EXOC4: variants seen among roughly 807,000 people sequenced by gnomAD.
The protein encoded by EXOC4 is SEC8-like 1.
In EXOC4, 71 loss-of-function variants were observed where a neutral mutation model predicts 107.2. That is an observed-to-expected ratio of 0.66 (90% CI 0.55 to 0.81). The LOEUF (loss-of-function observed/expected upper bound fraction) is 0.81, where lower values mean the gene tolerates loss of function less well. Ranked by LOEUF, EXOC4 falls within the 30% of genes least tolerant of loss-of-function variation. EXOC4 has a pLI of 0.00. For synonymous variants in EXOC4, 456 were observed against 441.2 expected, an observed-to-expected ratio of 1.03 and a Z score of -0.42; for missense variants, 1,108 against 1,189.6, an observed-to-expected ratio of 0.93 and a Z score of 1.01.
chr7:133,822,675 A>G (rs946013383), intron 11 of EXOC4, among the ~76,000 whole-genome samples: 3 of 152,184 alleles, frequency 2.0e-5, no homozygotes, highest in Non-Finnish European at 4.4e-5. Flanking sequence ...CGGGAGCATC[A>G]GTGTGGCCTG....
At chr7:133,728,919 T>A (rs1795270806) in intron 10 of EXOC4, among the ~76,000 whole-genome samples, 1 of 152,182 alleles carries the variant, frequency 6.6e-6, no homozygotes, top group Non-Finnish European at 1.5e-5. Flanking sequence ...TAGAAAGCCT[T>A]CCTTTAATGC....
chr7:134,064,454 A>G lies in EXOC4; in HGVS notation c.2851A>G (p.Arg951Gly). 1 of 1,608,214 alleles carries G rather than the reference A, an allele frequency of 6.2e-7. No individual in the cohort carries two copies. The highest frequency in any genetic ancestry group is 8.5e-7 in the Non-Finnish European group (1 of 1,176,996). Residue 951 changes from arginine (R) to glycine (G), a missense_variant, in exon 18 of 18, where the codon AGG (arginine) becomes GGG (glycine). Coordinates refer to ENST00000253861, the MANE Select transcript of EXOC4 (RefSeq NM_021807.4). ...ELTTQNTRLQ[R>G]LKEIICEQAA... ...GACCACCCAGAACACGAGGCTGCAG[A>G]GGCTCAAAGAGATCATCTGCGAGCA...
Position 134,007,715 on chromosome 7 carries a change from C to G in EXOC4, c.2567C>G (p.Ala856Gly). 1 of 1,613,542 alleles carries G rather than the reference C, an allele frequency of 6.2e-7. No individual in the cohort carries two copies. The highest frequency in any genetic ancestry group is 8.5e-7 in the Non-Finnish European group (1 of 1,179,694). Reference protein sequence around the residue: ...HLISCILINGAQYFRRISESG... With the variant: ...HLISCILINGGQYFRRISESG... ...ATCTCCTGCATCCTCATTAATGGTG[C>G]CCAGTACTTCAGGCGCATCAGTGAG... Residue 856 changes from alanine (A) to glycine (G), a missense_variant, in exon 17 of 18, where the codon GCC (alanine) becomes GGC (glycine). Transcript: ENST00000253861.
intron 3 of EXOC4, among the ~76,000 whole-genome samples, chr7:133,305,283 C>T (rs1794727176): frequency 6.6e-6 from 1 of 152,094 alleles, no homozygotes; most frequent in East Asian, 1.9e-4. Flanking sequence ...ATTCATATCC[C>T]GTTTCTTCTA....
Position 133,677,003 on chromosome 7 carries a change from A to G in EXOC4, c.1514+46862A>G, listed in dbSNP as rs1794077896. Among the ~76,000 whole-genome samples, 3 of 147,958 alleles carry G rather than the reference A, an allele frequency of 2.0e-5. No homozygotes were observed. The Admixed American group carries it at 2.0e-4, about 10-fold the overall frequency. ...TTGAGAACAAAGTGATGAATCACCA[A>G]GGCTTCAGAGTTCTTGCCTCCTTTA... On this transcript the variant is annotated intron_variant, in intron 10 of 17. Coordinates refer to ENST00000253861, the MANE Select transcript of EXOC4 (RefSeq NM_021807.4).
chr7:133,428,028 A>G (rs1490265325), intron 7 of EXOC4, among the ~76,000 whole-genome samples: 2 of 152,224 alleles, frequency 1.3e-5, no homozygotes, highest in African/African-American at 4.8e-5. Flanking sequence ...TAGGGTATTT[A>G]ACTTCTCAAC....
At chr7:133,988,506 T>G (rs1455290480) in intron 14 of EXOC4, among the ~76,000 whole-genome samples, 1 of 152,174 alleles carries the variant, frequency 6.6e-6, no homozygotes, top group African/African-American at 2.4e-5. Flanking sequence ...GGGGAAAATA[T>G]ATATAATACA....
intron 9 of EXOC4, among the ~76,000 whole-genome samples, chr7:133,617,563 T>A (rs1802223709): frequency 6.6e-6 from 1 of 152,126 alleles, no homozygotes; most frequent in East Asian, 1.9e-4. Context: ...CAAACCCAAG[T>A]GAACTAGCAT....
At chr7:133,883,301 T>C (rs1799004868) in intron 11 of EXOC4, among the ~76,000 whole-genome samples, 1 of 151,704 alleles carries the variant, frequency 6.6e-6, no homozygotes, top group Admixed American at 6.6e-5. Context: ...GCCCACTTTA[T>C]TGATTGACAT....
At chr7:133,648,413 C>A (rs956568876) in intron 10 of EXOC4, among the ~76,000 whole-genome samples, 1 of 152,208 alleles carries the variant, frequency 6.6e-6, no homozygotes, top group African/African-American at 2.4e-5. Flanking sequence ...TCTCAAATGA[C>A]TTCTGCCTTT....
chr7:134,083,835 G>T, the EXOC4 span, among the ~76,000 whole-genome samples: 1 of 152,204 alleles, frequency 6.6e-6, no homozygotes, highest in Non-Finnish European at 1.5e-5. Flanking sequence ...CAATGAATTT[G>T]CAGTCATCTG....
intron 11 of EXOC4, among the ~76,000 whole-genome samples, chr7:133,849,165 C>T (rs2098917620): frequency 6.6e-6 from 1 of 152,122 alleles, no homozygotes; most frequent in South Asian, 2.1e-4. Context: ...AGTGAGTCAC[C>T]TCTGTAATCC....
intron 8 of EXOC4, among the ~76,000 whole-genome samples, chr7:133,478,638 G>C (rs1445970379): frequency 6.6e-6 from 1 of 152,164 alleles, no homozygotes; most frequent in African/African-American, 2.4e-5. Context: ...TTAAGATTTT[G>C]ACTGTTTTTA....
intron 9 of EXOC4, among the ~76,000 whole-genome samples, chr7:133,612,137 G>A (rs1450395312): frequency 1.3e-5 from 2 of 152,044 alleles, no homozygotes; most frequent in Non-Finnish European, 2.9e-5. Context: ...TTATTAGGAG[G>A]AAAAAGCTGA....
chr7:133,870,731 G>A (rs1435664059), intron 11 of EXOC4, among the ~76,000 whole-genome samples: 4 of 152,198 alleles, frequency 2.6e-5, no homozygotes, highest in Non-Finnish European at 5.9e-5. Context: ...CTATAGCCTG[G>A]TAGAGAACAC....
chr7:133,870,181 T>C (rs1030706916), intron 11 of EXOC4, among the ~76,000 whole-genome samples: 7 of 152,150 alleles, frequency 4.6e-5, no homozygotes, highest in Non-Finnish European at 8.8e-5. Context: ...TTTTCAAATA[T>C]CTTAAGCAAT....
intron 9 of EXOC4, among the ~76,000 whole-genome samples, chr7:133,536,564 T>C (rs926485454): frequency 3.3e-5 from 5 of 151,876 alleles, no homozygotes; most frequent in Non-Finnish European, 7.4e-5. Flanking sequence ...TCTTTCTTTC[T>C]TGTCAGTCCA....
intron 7 of EXOC4, among the ~76,000 whole-genome samples, chr7:133,412,278 GTTTTTTTTTTTTT>G (rs35334259): frequency 1.4e-5 from 1 of 71,476 alleles, no homozygotes; most frequent in Non-Finnish European, 2.4e-5. Flanking sequence ...TCAGAATTCA[GTTTTTTTTTTTTT>G]TTTTTTTTTT....
intron 17 of EXOC4, among the ~76,000 whole-genome samples, chr7:134,028,687 A>G (rs1004281306): frequency 1.9e-4 from 29 of 152,180 alleles, no homozygotes; most frequent in African/African-American, 5.1e-4. Flanking sequence ...TCTGCCTCCA[A>G]TGAAGATTTC....
Sources: gnomAD v4.1 joint callset for allele counts (sites outside exome capture counted in the v4.1 genomes callset) on GRCh38, gnomAD v4.1.1 for gene constraint, MANE v1.5 for transcripts, NCBI Gene and HGNC (gene_info 2026-07-23, HGNC 2026-07-21) for gene names.